Variants in HEY2 observed in about 807,000 individuals in gnomAD.
The protein encoded by HEY2 is hes related family bHLH transcription factor with YRPW motif 2, also known as hairy/enhancer-of-split related with YRPW motif protein 2.
HEY2 carries 10 observed loss-of-function variants against 18.1 expected under a neutral mutation model. The observed-to-expected ratio is 0.55, with a 90% CI of 0.34 to 0.94. HEY2 has a LOEUF of 0.94. Ranked by LOEUF, HEY2 falls within the 40% of genes least tolerant of loss-of-function variation. HEY2 has a pLI of 0.02. For missense variants in HEY2, 455 were observed against 455.9 expected (o/e 1.00, Z 0.02); for synonymous variants, 210 against 182.7 (o/e 1.15, Z -1.21).
rs1009110000 is a variant in HEY2 at position 125,759,279 on chromosome 6, G to A, written c.491G>A (p.Arg164Gln). The A allele has an allele frequency of 6.2e-7, 1 of 1,606,496 alleles. No homozygotes were observed. The highest frequency in any genetic ancestry group is 8.5e-7 in the Non-Finnish European group (1 of 1,179,902). Residue 164 changes from arginine (R) to glutamine (Q), a missense_variant, in exon 5 of 5, where the codon CGG becomes CAG. Physicochemically the swap from Arg to Gln is conservative, Grantham distance 43. Coordinates refer to ENST00000368364, the MANE Select transcript of HEY2 (RefSeq NM_012259.3). ...CATCTCAGCACTTGCGCCACCCAGC[G>A]GGAGGCGGCGGCCATGACATCCTCC... ...VSHLSTCATQ[R>Q]EAAAMTSSMA...
intron 4 of HEY2, among the ~76,000 whole-genome samples, chr6:125,757,321 G>T (rs1773682716): frequency 6.6e-6 from 1 of 152,208 alleles, no homozygotes; most frequent in Non-Finnish European, 1.5e-5. Context: ...TTCAGGAATA[G>T]CTTTTCATCC....
At chr6:125,753,585 AT>A (rs1773594368) in intron 3 of HEY2, among the ~76,000 whole-genome samples, 1 of 152,186 alleles carries the variant, frequency 6.6e-6, no homozygotes, top group African/African-American at 2.4e-5. Flanking sequence ...AAAAGAGAAC[AT>A]ATTGGTAATT....
In HEY2 at chr6:125,759,814, ACTT is replaced by A. The variant is rs1562713772; in HGVS notation, c.*16_*18del. The A allele has an allele frequency of 1.2e-6, 2 of 1,607,534 alleles. No individual in the cohort carries two copies. Among genetic ancestry groups the A allele is most frequent in the South Asian group, 1.1e-5 (1 of 90,834 alleles). ...TTGGAGCTTTTTAAATTTTTCTTGA[ACTT>A]CTTGCAATAGTAACTGAATGTCCTC... On this transcript the variant is annotated 3_prime_UTR_variant, in exon 5 of 5. Transcript: ENST00000368364.
At position 125,749,996 on chromosome 6, in the gene HEY2, T is replaced by G. The variant is rs1399379992; in HGVS notation, c.83+137T>G. 3 of 816,942 alleles carry G rather than the reference T, an allele frequency of 3.7e-6. No homozygotes were observed. In the African/African-American group the frequency reaches 5.2e-5, roughly 14 times the overall value. The allele number at this position is 816,942 out of a possible 1,614,324, so 50.6% of individuals were successfully genotyped here. On this transcript the variant is annotated intron_variant, in intron 1 of 4. Coordinates refer to ENST00000368364, the MANE Select transcript of HEY2 (RefSeq NM_012259.3). The stretch of plus-strand genomic sequence containing the variant: ...AGGGAAAGTTTGGCCTGAGAAAGTT[T>G]GAGTGGTGGGCGCTCGCAGAGCGTG...
intron 1 of HEY2, 107 bp from the exon 2 acceptor site, chr6:125,751,694 G>A: frequency 1.4e-6 from 1 of 736,466 alleles, no homozygotes; most frequent in African/African-American, 1.8e-5. Context: ...AAATAACACA[G>A]ACTTGAACTG....
intron 4 of HEY2, among the ~76,000 whole-genome samples, chr6:125,755,310 T>C (rs1449680685): frequency 6.6e-6 from 1 of 152,224 alleles, no homozygotes; most frequent in Non-Finnish European, 1.5e-5. Flanking sequence ...CAGATTTCAT[T>C]ATCCCACTTA....
intron 1 of HEY2, 75 bp from the exon 2 acceptor site, chr6:125,751,726 A>G: frequency 1.1e-6 from 1 of 914,886 alleles, no homozygotes. Context: ...TGAATATTTA[A>G]TGGGTGCCAC....
At chr6:125,753,792 G>A (rs1478724908) in intron 3 of HEY2, among the ~76,000 whole-genome samples, 1 of 152,042 alleles carries the variant, frequency 6.6e-6, no homozygotes, top group Non-Finnish European at 1.5e-5. Flanking sequence ...TGCTTCCTAG[G>A]TAAGCAGTAA....
At chr6:125,751,236 C>G (rs1164782679) in intron 1 of HEY2, among the ~76,000 whole-genome samples, 1 of 152,146 alleles carries the variant, frequency 6.6e-6, no homozygotes, top group Non-Finnish European at 1.5e-5. Flanking sequence ...TGCAAAACAT[C>G]AAGTTTGTCA....
At chr6:125,752,337 C>T (rs189909373) in intron 3 of HEY2, among the ~76,000 whole-genome samples, 6 of 150,216 alleles carry the variant, frequency 4.0e-5, no homozygotes, top group East Asian at 2.0e-4. Context: ...TTATTTTCCC[C>T]TTAAGGGTAA....
Position 125,751,852 on chromosome 6 carries a change from G to T in HEY2, c.135G>T (p.Gln45His). The T allele has an allele frequency of 6.2e-7, 1 of 1,613,640 alleles. No individual in the cohort carries two copies. The change falls in exon 2 of 5, where the codon CAG becomes CAT. Residue 45 changes from glutamine (Q) to histidine (H), a missense_variant. Transcript: ENST00000368364. ...IRLNSPTTTS[Q>H]IMARKKRRGI... is the part of the protein sequence containing the mutation. ...TGAATTCTCCAACAACAACATCTCAGATTATGGCAAGAAAGAAAAGGAGAG... is the reference window on the plus strand; with the variant it reads ...TGAATTCTCCAACAACAACATCTCATATTATGGCAAGAAAGAAAAGGAGAG...
chr6:125,751,660 A>T, intron 1 of HEY2, 141 bp from the exon 2 acceptor site: 1 of 548,518 alleles, frequency 1.8e-6, no homozygotes, highest in Non-Finnish European at 3.2e-6. Flanking sequence ...AAGTCCGTTA[A>T]GAGTGAAACA....
chr6:125,756,325 T>C (rs963224926), intron 4 of HEY2, among the ~76,000 whole-genome samples: 5 of 152,070 alleles, frequency 3.3e-5, no homozygotes, highest in Non-Finnish European at 5.9e-5. Context: ...CCCAGCACTT[T>C]GGGAGGCCGA....
At chr6:125,750,981 T>G (rs975863426) in intron 1 of HEY2, among the ~76,000 whole-genome samples, 1 of 152,160 alleles carries the variant, frequency 6.6e-6, no homozygotes, top group Non-Finnish European at 1.5e-5. Flanking sequence ...GAGAAACAGA[T>G]ACAAACTAGA....
In HEY2 at chr6:125,759,819, T is replaced by C. The variant is rs1489346237; in HGVS notation, c.*17T>C. The stretch of plus-strand genomic sequence containing the variant: ...GCTTTTTAAATTTTTCTTGAACTTC[T>C]TGCAATAGTAACTGAATGTCCTCCA... On this transcript the variant is annotated 3_prime_UTR_variant, in exon 5 of 5. Coordinates refer to ENST00000368364, the MANE Select transcript of HEY2 (RefSeq NM_012259.3). 15 of 1,603,266 alleles carry C rather than the reference T, an allele frequency of 9.4e-6. No homozygotes were observed. Among genetic ancestry groups the C allele is most frequent in the Non-Finnish European group, 4.3e-6 (5 of 1,171,238 alleles).
Position 125,759,321 on chromosome 6 carries a change from A to G in HEY2, c.533A>G (p.His178Arg), listed in dbSNP as rs760063236. Residue 178 changes from histidine to arginine, a missense_variant, in exon 5 of 5, where the codon CAT (histidine) becomes CGT (arginine). His to Arg is a conservative substitution (Grantham distance 29). Coordinates refer to ENST00000368364, the MANE Select transcript of HEY2 (RefSeq NM_012259.3). ...ACATCCTCCATGGCCCACCACCATC[A>G]TCCGCTCCACCCGCATCACTGGGCC... ...AMTSSMAHHH[H>R]PLHPHHWAAA... The G allele has an allele frequency of 1.4e-5, 22 of 1,605,552 alleles. No individual in the cohort carries two copies. Among genetic ancestry groups the G allele is most frequent in the Non-Finnish European group, 1.9e-5 (22 of 1,179,162 alleles).
rs1773796827 is a variant in HEY2 at position 125,761,221 on chromosome 6, A to G, written c.*1419A>G. 6.6e-6 allele frequency: 1 copy of G among 152,644 alleles called. No individual in the cohort carries two copies. Among genetic ancestry groups the G allele is most frequent in the Non-Finnish European group, 1.5e-5 (1 of 68,028 alleles). 9.5% of individuals were successfully genotyped at this position (152,644 alleles called of 1,614,324 possible). A position where few individuals can be genotyped will look rare whatever the true frequency, so the allele number is the denominator to read the frequency against. ...TTGCATTACTTTGTAACCTTTTTCT[A>G]TGCAAGAGTCTTTACATACCACTAA... is the stretch of plus-strand genomic sequence containing the variant. On this transcript the variant is annotated 3_prime_UTR_variant, in exon 5 of 5. Transcript: ENST00000368364.
In HEY2 at chr6:125,760,171, T is replaced by G. The variant is rs531918479; in HGVS notation, c.*369T>G. 3.0e-5 allele frequency: 7 copies of G among 236,968 alleles called. No homozygotes were observed. Among genetic ancestry groups the G allele is most frequent in the Admixed American group, 1.0e-4 (2 of 19,408 alleles). 14.7% of individuals were successfully genotyped at this position (236,968 alleles called of 1,614,324 possible). A position where few individuals can be genotyped will look rare whatever the true frequency, so the allele number is the denominator to read the frequency against. ...TGAGACTAGATGGGACATACATATA[T>G]AGAGAGAGAGTGAGAGAGTCGTGTT... On this transcript the variant is annotated 3_prime_UTR_variant, in exon 5 of 5. Transcript: ENST00000368364.
Position 125,749,814 on chromosome 6 carries a change from A to G in HEY2, c.38A>G (p.Asp13Gly), listed in dbSNP as rs1255495195. ...TGCGAGGAGACGACCTCCGAGAGCG[A>G]CATGGACGAGACCATCGACGTGGGG... ...RPCEETTSES[D>G]MDETIDVGSE... The change falls in exon 1 of 5, where the codon GAC (aspartate) becomes GGC (glycine). Residue 13 changes from aspartate (D) to glycine (G), a missense_variant. By Grantham distance (94) the Asp-to-Gly change is moderately conservative. Coordinates refer to ENST00000368364, the MANE Select transcript of HEY2 (RefSeq NM_012259.3). 2.5e-6 allele frequency: 4 copies of G among 1,585,666 alleles called. No homozygotes were observed. The highest frequency in any genetic ancestry group is 3.4e-6 in the Non-Finnish European group (4 of 1,166,530).
Sources: allele counts gnomAD v4.1 joint callset (sites outside exome capture counted in the v4.1 genomes callset), GRCh38; gene constraint gnomAD v4.1.1; transcripts MANE v1.5; gene names NCBI Gene and HGNC (gene_info 2026-07-23, HGNC 2026-07-21).